Variants in PLEKHM2 observed in about 807,000 individuals in gnomAD.
PLEKHM2 encodes the protein pleckstrin homology domain-containing family M member 2.
A neutral mutation model predicts 116.3 loss-of-function variants in PLEKHM2; 77 were observed. That is an observed-to-expected ratio of 0.66 (90% CI 0.55 to 0.80). The LOEUF (loss-of-function observed/expected upper bound fraction) is 0.80. Ranked by LOEUF, PLEKHM2 falls within the 30% of genes least tolerant of loss-of-function variation. The pLI is 0.00. For missense variants in PLEKHM2, 1,183 were observed against 1,354.9 expected, an observed-to-expected ratio of 0.87 and a Z score of 1.99; for synonymous variants, 562 against 571.0, an observed-to-expected ratio of 0.98 and a Z score of 0.22.
In PLEKHM2 at chr1:15,733,979, G is replaced by T. The variant is rs1042752150; in HGVS notation, c.*45G>T. Reference sequence around the variant, plus strand: ...CCTGGTGGGCAGGAAAGGAAGGCACGCCAGCCGGCAGGCACACTGTCACGG... The same window carrying T: ...CCTGGTGGGCAGGAAAGGAAGGCACTCCAGCCGGCAGGCACACTGTCACGG... On this transcript the variant is annotated 3_prime_UTR_variant, in exon 20 of 20. Coordinates refer to ENST00000375799, the MANE Select transcript of PLEKHM2 (RefSeq NM_015164.4). 1 of 1,580,256 alleles carries T rather than the reference G, an allele frequency of 6.3e-7. No individual in the cohort carries two copies. The highest frequency in any genetic ancestry group is 8.6e-7 in the Non-Finnish European group (1 of 1,162,786).
Position 15,719,935 on chromosome 1 carries a change from G to A in PLEKHM2, c.652+15G>A, listed in dbSNP as rs758857742. 6.2e-6 allele frequency: 10 copies of A among 1,603,832 alleles called. No individual in the cohort carries two copies. Among genetic ancestry groups the A allele is most frequent in the Non-Finnish European group, 7.7e-6 (9 of 1,173,550 alleles). On this transcript the variant is annotated intron_variant, in intron 6 of 19. Coordinates refer to ENST00000375799, the MANE Select transcript of PLEKHM2 (RefSeq NM_015164.4). The surrounding 1 kb of genome is among the most constrained non-coding windows in gnomAD (Gnocchi z 4.1). Reference sequence around the variant, plus strand: ...ATCTAGTGAGGGTGAGTGGCCCCAGGGCAGAAAAGCTAAGCCCCTGTTGTG... The same window carrying A: ...ATCTAGTGAGGGTGAGTGGCCCCAGAGCAGAAAAGCTAAGCCCCTGTTGTG...
At chr1:15,733,539 C>T (rs1051834342) in intron 19 of PLEKHM2, among the ~76,000 whole-genome samples, 23 of 152,314 alleles carry the variant, frequency 1.5e-4, no homozygotes, top group South Asian at 1.0e-3. Context: ...CAGAGTGCAG[C>T]GCCTGCCTCG....
chr1:15,705,723 T>C (rs1405592675), intron 1 of PLEKHM2, among the ~76,000 whole-genome samples: 1 of 152,126 alleles, frequency 6.6e-6, no homozygotes, highest in Non-Finnish European at 1.5e-5. Context: ...ATTTTCCCAT[T>C]GTCGGGGCTG....
At position 15,716,812 on chromosome 1, in the gene PLEKHM2, G is replaced by C. The variant is rs1266318127; in HGVS notation, c.273G>C (p.Gly91=). 1 of 1,560,858 alleles carries C rather than the reference G, an allele frequency of 6.4e-7. No homozygotes were observed. The highest frequency in any genetic ancestry group is 1.4e-5 in the African/African-American group (1 of 73,588). ...TGCAGCACGTGGCCACCAACCTGGG[G>C]CGCAGTGAGTAGTCACAAGGAGACG... ...EVLQHVATNL[G]RSRAWLYLAL... Residue 91 remains glycine, a synonymous_variant, in exon 3 of 20, where the codon GGG becomes GGC. Coordinates refer to ENST00000375799, the MANE Select transcript of PLEKHM2 (RefSeq NM_015164.4).
At chr1:15,715,122 A>G in intron 1 of PLEKHM2, among the ~76,000 whole-genome samples, 1 of 152,184 alleles carries the variant, frequency 6.6e-6, no homozygotes, top group East Asian at 1.9e-4. Context: ...ACCTAGATCC[A>G]TATCCAGCAT....
At chr1:15,702,044 G>A (rs1230737727) in intron 1 of PLEKHM2, among the ~76,000 whole-genome samples, 4 of 152,144 alleles carry the variant, frequency 2.6e-5, no homozygotes, top group African/African-American at 4.8e-5. Context: ...CGGACGGGTC[G>A]CCCAAAGGTA....
Position 15,718,005 on chromosome 1 carries a change from G to A in PLEKHM2, c.377+13G>A. ...AGTACTACGTCAAGTGAGTGTCTGG[G>A]ACGGTCTGTCTCCCCTAGCCTCAGA... On this transcript the variant is annotated intron_variant, in intron 4 of 19. Transcript: ENST00000375799. 1.3e-6 allele frequency: 2 copies of A among 1,539,562 alleles called. No homozygotes were observed. The highest frequency in any genetic ancestry group is 1.8e-6 in the Non-Finnish European group (2 of 1,128,092).
At chr1:15,701,133 G>A (rs895863112) in intron 1 of PLEKHM2, among the ~76,000 whole-genome samples, 1 of 123,416 alleles carries the variant, frequency 8.1e-6, no homozygotes, top group African/African-American at 3.9e-5. Flanking sequence ...AAAAAAAGGG[G>A]GTGGGGGTAT....
chr1:15,687,046 C>G (rs946741338), intron 1 of PLEKHM2, among the ~76,000 whole-genome samples: 3 of 152,104 alleles, frequency 2.0e-5, no homozygotes, highest in South Asian at 4.1e-4. Context: ...CCTTGGCCCC[C>G]CGAAGTGCTG....
At chr1:15,700,516 G>C (rs181320429) in intron 1 of PLEKHM2, among the ~76,000 whole-genome samples, 1 of 152,150 alleles carries the variant, frequency 6.6e-6, no homozygotes, top group Non-Finnish European at 1.5e-5. Flanking sequence ...GTGGCTAAGT[G>C]ATTATTTTTC....
intron 1 of PLEKHM2, among the ~76,000 whole-genome samples, chr1:15,714,633 A>T (rs915742161): frequency 2.6e-5 from 4 of 152,200 alleles, no homozygotes; most frequent in African/African-American, 9.6e-5. Flanking sequence ...TGGGAGCTGA[A>T]TTGTTGGTCT....
chr1:15,732,066 C>T lies in PLEKHM2; in HGVS notation c.2625+18C>T. Reference sequence around the variant, plus strand: ...CCAAAGGGGTGAGCTTCGCCTGCCCCTACCGCTCACCTGGCTTGCCTGACC... The same window carrying T: ...CCAAAGGGGTGAGCTTCGCCTGCCCTTACCGCTCACCTGGCTTGCCTGACC... On this transcript the variant is annotated intron_variant, in intron 17 of 19. Transcript: ENST00000375799. 6.2e-7 allele frequency: 1 copy of T among 1,605,304 alleles called. No individual in the cohort carries two copies. Among genetic ancestry groups the T allele is most frequent in the Non-Finnish European group, 8.5e-7 (1 of 1,175,034 alleles).
intron 16 of PLEKHM2, among the ~76,000 whole-genome samples, chr1:15,731,559 A>C (rs1304024039): frequency 6.6e-6 from 1 of 152,178 alleles, no homozygotes; most frequent in African/African-American, 2.4e-5. Context: ...GAGGAACAGC[A>C]GGCCCTCAAG....
chr1:15,723,457 A>G (rs1457061757), intron 7 of PLEKHM2: 1 of 151,544 alleles, frequency 6.6e-6, no homozygotes, highest in Non-Finnish European at 1.5e-5. Context: ...CTTAAAAAAA[A>G]AAAAAAAGGG....
Position 15,716,306 on chromosome 1 carries a change from C to T in PLEKHM2, c.130C>T (p.Arg44Cys), listed in dbSNP as rs767979828. Residue 44 changes from arginine (R) to cysteine (C), a missense_variant, in exon 2 of 20, where the codon CGT becomes TGT. Around this residue, in one of 3 missense-constraint regions of PLEKHM2, gnomAD observed 217 missense variants for 277.6 expected, o/e 0.78. Transcript: ENST00000375799. ...AIRNHDKVLQ[R>C]LCEHLDHALL... The stretch of plus-strand genomic sequence containing the variant: ...CCGGAACCATGACAAGGTCCTACAG[C>T]GTCTGTGTGAGCACCTGGACCACGC... 34 of 1,606,626 alleles carry T rather than the reference C, an allele frequency of 2.1e-5. No individual in the cohort carries two copies. Among genetic ancestry groups the T allele is most frequent in the African/African-American group, 5.3e-5 (4 of 74,768 alleles).
intron 2 of PLEKHM2, 25 bp downstream of exon 2, chr1:15,716,368 A>T: frequency 7.0e-7 from 1 of 1,438,682 alleles, no homozygotes; most frequent in African/African-American, 1.4e-5. Context: ...GTTTCCAAAG[A>T]TGACGGAGCA....
chr1:15,693,018 C>T lies in PLEKHM2; in HGVS notation c.60+8400C>T, dbSNP rs549458588. ...CCTCCCAAAGTGCTGGGATTATAGG[C>T]GCGAGCCACCGTGCCTAGCCACACT... On this transcript the variant is annotated intron_variant, in intron 1 of 19. Transcript: ENST00000375799. Among the ~76,000 whole-genome samples, 4 of 148,142 alleles carry T rather than the reference C, an allele frequency of 2.7e-5. No homozygotes were observed. In the South Asian group the frequency reaches 6.4e-4, roughly 24 times the overall value.
At chr1:15,684,973 C>T (rs1640738392) in intron 1 of PLEKHM2, among the ~76,000 whole-genome samples, 1 of 152,176 alleles carries the variant, frequency 6.6e-6, no homozygotes, top group South Asian at 2.1e-4. Flanking sequence ...GTGGAATCCG[C>T]TGCATCCCCG....
At chr1:15,724,931 C>G (rs1257325953) in intron 7 of PLEKHM2, among the ~76,000 whole-genome samples, 1 of 152,064 alleles carries the variant, frequency 6.6e-6, no homozygotes, top group African/African-American at 2.4e-5. Context: ...TGAGGGTAAC[C>G]TAAGAGGCGT....
Sources: gnomAD v4.1 joint callset for allele counts (sites outside exome capture counted in the v4.1 genomes callset) on GRCh38, gnomAD v4.1.1 for gene constraint, gnomAD v4.1.1 regional missense constraint, Gnocchi (gnomAD v3.1) non-coding constraint, MANE v1.5 for transcripts, NCBI Gene and HGNC (gene_info 2026-07-23, HGNC 2026-07-21) for gene names.